NKAIN2: variants seen among roughly 807,000 people sequenced by gnomAD.
NKAIN2 encodes the protein sodium/potassium transporting ATPase interacting 2.
Under a neutral mutation model 32.6 loss-of-function variants are expected in NKAIN2, and 14 were observed. That is an observed-to-expected ratio of 0.43 (90% CI 0.28 to 0.67). The LOEUF (loss-of-function observed/expected upper bound fraction) is 0.67, where lower values mean the gene tolerates loss of function less well. NKAIN2 is among the 30% of genes least tolerant of loss of function. NKAIN2 has a pLI of 0.17. For missense variants in NKAIN2, 198 were observed against 258.3 expected, an observed-to-expected ratio of 0.77 and a Z score of 1.60; for synonymous variants, 80 against 87.2, an observed-to-expected ratio of 0.92 and a Z score of 0.46.
At chr6:124,461,458 T>C (rs1776527913) in intron 3 of NKAIN2, among the ~76,000 whole-genome samples, 2 of 151,840 alleles carry the variant, frequency 1.3e-5, no homozygotes, top group Admixed American at 1.3e-4. Context: ...ACTGTTTTCT[T>C]AATCTGTGTT....
At chr6:123,984,428 C>T (rs1779041125) in intron 1 of NKAIN2, among the ~76,000 whole-genome samples, 1 of 151,934 alleles carries the variant, frequency 6.6e-6, no homozygotes, top group Non-Finnish European at 1.5e-5. Flanking sequence ...ACATATGATT[C>T]TAAAATGTAG....
chr6:124,518,160 C>T (rs1306546292), intron 3 of NKAIN2, among the ~76,000 whole-genome samples: 1 of 151,748 alleles, frequency 6.6e-6, no homozygotes, highest in East Asian at 1.9e-4. Flanking sequence ...ACATTCATTA[C>T]ACTATCTGTA....
Position 124,632,777 on chromosome 6 carries a change from A to G in NKAIN2, c.274-25409A>G, listed in dbSNP as rs576753898. ...CACAAATTCTAAGCAGTATTGATCT[A>G]TGTCCTTGCCAGGCTAAAACCAGAC... On this transcript the variant is annotated intron_variant, in intron 3 of 6. Coordinates refer to ENST00000368417, the MANE Select transcript of NKAIN2 (RefSeq NM_001040214.3). 2.6e-5 allele frequency among the ~76,000 whole-genome samples: 4 copies of G among 152,336 alleles called. No homozygotes were observed. The South Asian group carries it at 8.3e-4, about 32-fold the overall frequency.
At chr6:124,455,964 C>A (rs1776305390) in intron 3 of NKAIN2, among the ~76,000 whole-genome samples, 1 of 151,744 alleles carries the variant, frequency 6.6e-6, no homozygotes, top group African/African-American at 2.4e-5. Context: ...CCACAGGAGT[C>A]ACTATTTTTT....
At chr6:124,103,697 T>A (rs1372504721) in intron 1 of NKAIN2, among the ~76,000 whole-genome samples, 1 of 152,214 alleles carries the variant, frequency 6.6e-6, no homozygotes, top group Non-Finnish European at 1.5e-5. Flanking sequence ...AAGGTTTTTT[T>A]GTAATTTGTA....
chr6:124,068,983 A>G (rs1345380539), intron 1 of NKAIN2, among the ~76,000 whole-genome samples: 2 of 151,834 alleles, frequency 1.3e-5, no homozygotes, highest in African/African-American at 4.8e-5. Flanking sequence ...TCTTGCAGGT[A>G]CTCCTCAAAA....
At chr6:124,015,839 G>A (rs1006815968) in intron 1 of NKAIN2, among the ~76,000 whole-genome samples, 12 of 152,024 alleles carry the variant, frequency 7.9e-5, no homozygotes, top group Admixed American at 1.3e-4. Context: ...CTTAATTATC[G>A]CAGTAAGCAC....
intron 1 of NKAIN2, among the ~76,000 whole-genome samples, chr6:124,235,607 T>C (rs889861749): frequency 6.6e-6 from 1 of 151,698 alleles, no homozygotes; most frequent in Non-Finnish European, 1.5e-5. Context: ...TTGTTGTTTT[T>C]TTTTTTCCTG....
chr6:123,899,415 T>C (rs1017743150), intron 1 of NKAIN2, among the ~76,000 whole-genome samples: 1 of 152,162 alleles, frequency 6.6e-6, no homozygotes, highest in African/African-American at 2.4e-5. Context: ...TCATCCTCCC[T>C]CTATTTTTTT....
At chr6:124,515,267 G>T (rs144912126) in intron 3 of NKAIN2, among the ~76,000 whole-genome samples, 70 of 152,128 alleles carry the variant, frequency 4.6e-4, no homozygotes, top group African/African-American at 1.7e-3. Flanking sequence ...AAAGAAAAGA[G>T]GTCTATTTGG....
chr6:124,092,618 A>G (rs1461020765), intron 1 of NKAIN2, among the ~76,000 whole-genome samples: 1 of 152,074 alleles, frequency 6.6e-6, no homozygotes, highest in Non-Finnish European at 1.5e-5. Flanking sequence ...AGTGACCTCA[A>G]GTAAGCTTAA....
chr6:124,603,967 G>C (rs1390024481), intron 3 of NKAIN2, among the ~76,000 whole-genome samples: 8 of 152,028 alleles, frequency 5.3e-5, no homozygotes, highest in Non-Finnish European at 1.2e-4. Flanking sequence ...TCAGCTATTT[G>C]GGTTTTGCTG....
At chr6:124,710,493 G>C (rs1400622689) in intron 4 of NKAIN2, among the ~76,000 whole-genome samples, 1 of 151,950 alleles carries the variant, frequency 6.6e-6, no homozygotes, top group Non-Finnish European at 1.5e-5. Context: ...CTCAGGACTT[G>C]CTTTATGAAT....
chr6:124,023,184 T>C (rs920756327), intron 1 of NKAIN2, among the ~76,000 whole-genome samples: 15 of 151,272 alleles, frequency 9.9e-5, no homozygotes, highest in African/African-American at 3.6e-4. Flanking sequence ...AAAGGATTGA[T>C]ACAGAAAAAA....
At chr6:123,965,668 G>A (rs1267228334) in intron 1 of NKAIN2, among the ~76,000 whole-genome samples, 6 of 152,158 alleles carry the variant, frequency 3.9e-5, no homozygotes, top group Non-Finnish European at 8.8e-5. Flanking sequence ...TCTGTTGCCT[G>A]TAGGTGGAAT....
chr6:124,359,946 C>T (rs1318589608), intron 3 of NKAIN2, among the ~76,000 whole-genome samples: 1 of 152,138 alleles, frequency 6.6e-6, no homozygotes, highest in Non-Finnish European at 1.5e-5. Context: ...AGATATGTCC[C>T]ATCAATACCT....
At chr6:124,507,307 G>A (rs1778523870) in intron 3 of NKAIN2, among the ~76,000 whole-genome samples, 1 of 152,150 alleles carries the variant, frequency 6.6e-6, no homozygotes, top group Non-Finnish European at 1.5e-5. Flanking sequence ...TAACAAGGAA[G>A]CAGTTTTCTC....
At chr6:124,546,325 A>G (rs1437602298) in intron 3 of NKAIN2, among the ~76,000 whole-genome samples, 1 of 152,040 alleles carries the variant, frequency 6.6e-6, no homozygotes, top group East Asian at 1.9e-4. Flanking sequence ...CCATGCAGAT[A>G]TTGTCCACCC....
At chr6:124,592,361 G>T (rs1412438540) in intron 3 of NKAIN2, among the ~76,000 whole-genome samples, 1 of 152,072 alleles carries the variant, frequency 6.6e-6, no homozygotes, top group Admixed American at 6.5e-5. Context: ...TTCAGAGGGG[G>T]TTTACATTAA....
Sources: gnomAD v4.1 joint callset for allele counts (sites outside exome capture counted in the v4.1 genomes callset) on GRCh38, gnomAD v4.1.1 for gene constraint, MANE v1.5 for transcripts, NCBI Gene and HGNC (gene_info 2026-07-23, HGNC 2026-07-21) for gene names.